The following PDE1C variants were observed in gnomAD, a reference collection of about 807,000 sequenced individuals.
PDE1C encodes the protein dual specificity calcium/calmodulin-dependent 3',5'-cyclic nucleotide phosphodiesterase 1C.
In PDE1C, 62 loss-of-function variants were observed where a neutral mutation model predicts 93.1. That is an observed-to-expected ratio of 0.67 (90% CI 0.54 to 0.82). The LOEUF (loss-of-function observed/expected upper bound fraction) is 0.82, where lower values mean the gene tolerates loss of function less well. PDE1C is among the 40% of genes least tolerant of loss of function. PDE1C has a pLI of 0.00. For missense variants in PDE1C, 742 were observed against 884.6 expected (o/e 0.84, Z 2.04); for synonymous variants, 325 against 310.1 (o/e 1.05, Z -0.50).
chr7:32,353,191 A>G (rs1304531908), intron 1 of PDE1C, among the ~76,000 whole-genome samples: 1 of 2,396 alleles, frequency 4.2e-4, no homozygotes, highest in African/African-American at 5.2e-4. Flanking sequence ...TCCTCCTTGT[A>G]CCTCTGGTAG....
intron 3 of PDE1C, among the ~76,000 whole-genome samples, chr7:32,101,232 C>T (rs1374921916): frequency 6.6e-6 from 1 of 152,170 alleles, no homozygotes; most frequent in Admixed American, 6.5e-5. Context: ...CCACACGTGG[C>T]CTTAAAAGTA....
intron 2 of PDE1C, among the ~76,000 whole-genome samples, chr7:31,956,225 C>G (rs1009506763): frequency 4.6e-5 from 7 of 152,102 alleles, no homozygotes; most frequent in African/African-American, 1.7e-4. Context: ...TCCCAAGTAG[C>G]TGGGACTACA....
chr7:32,112,846 GTATATA>G (rs1203879712), intron 3 of PDE1C, among the ~76,000 whole-genome samples: 676 of 59,076 alleles, frequency 0.011, 2 homozygotes, highest in African/African-American at 0.042. Flanking sequence ...GTGTGTGTGT[GTATATA>G]TATATATATA....
the PDE1C span, chr7:31,697,263 T>A: frequency 2.0e-6 from 2 of 1,003,164 alleles, no homozygotes; most frequent in African/African-American, 3.3e-5. Flanking sequence ...CCACACTCAG[T>A]GCTACCTTTT....
intron 1 of PDE1C, among the ~76,000 whole-genome samples, chr7:32,416,730 A>G (rs1328870555): frequency 1.3e-5 from 2 of 152,106 alleles, no homozygotes; most frequent in African/African-American, 4.8e-5. Flanking sequence ...GGCAAGGCTC[A>G]GGCTCAGGAT....
chr7:32,328,627 C>T (rs531434652), intron 1 of PDE1C, among the ~76,000 whole-genome samples: 1 of 152,096 alleles, frequency 6.6e-6, no homozygotes, highest in Non-Finnish European at 1.5e-5. Context: ...GAACACAACC[C>T]CATCCTCCAC....
chr7:32,218,402 C>T (rs1806587729), intron 1 of PDE1C, among the ~76,000 whole-genome samples: 1 of 152,218 alleles, frequency 6.6e-6, no homozygotes, highest in African/African-American at 2.4e-5. Context: ...TTTCCAGACC[C>T]TTCTCTCCTA....
At chr7:31,945,670 A>G (rs575876891) in intron 2 of PDE1C, among the ~76,000 whole-genome samples, 1 of 152,130 alleles carries the variant, frequency 6.6e-6, no homozygotes, top group Non-Finnish European at 1.5e-5. Context: ...CATTTATCCT[A>G]CTTGGCACTC....
chr7:32,123,689 A>G (rs1262270190), intron 3 of PDE1C, among the ~76,000 whole-genome samples: 1 of 152,250 alleles, frequency 6.6e-6, no homozygotes, highest in African/African-American at 2.4e-5. Flanking sequence ...TAAACTAGGC[A>G]TTGATTGAAC....
Position 31,753,564 on chromosome 7 carries a change from T to A in PDE1C, c.1961-11A>T. ...AAGGAGGCTTGATGACTGGCGGCCATGGAAAGGAAGACAGACAACGGTTAG... is the reference window on the plus strand; with the variant it reads ...AAGGAGGCTTGATGACTGGCGGCCAAGGAAAGGAAGACAGACAACGGTTAG... On this transcript the variant is annotated splice_polypyrimidine_tract_variant and intron_variant, in intron 17 of 17. Coordinates refer to ENST00000396191, the MANE Select transcript of PDE1C (RefSeq NM_001191057.4). 6.2e-7 allele frequency: 1 copy of A among 1,606,286 alleles called. No individual in the cohort carries two copies. Among genetic ancestry groups the A allele is most frequent in the Non-Finnish European group, 8.5e-7 (1 of 1,176,740 alleles).
At chr7:31,940,802 T>C (rs1805727230) in intron 2 of PDE1C, among the ~76,000 whole-genome samples, 1 of 152,088 alleles carries the variant, frequency 6.6e-6, no homozygotes. Context: ...TGTGAGCAGG[T>C]GGATCCAGTT....
chr7:32,023,750 G>A (rs781322801), intron 2 of PDE1C, among the ~76,000 whole-genome samples: 2 of 152,214 alleles, frequency 1.3e-5, no homozygotes, highest in African/African-American at 2.4e-5. Context: ...AGTTGTCAAG[G>A]CTTAGGGATG....
intron 2 of PDE1C, among the ~76,000 whole-genome samples, chr7:32,009,439 C>T (rs138484385): frequency 5.3e-5 from 8 of 152,174 alleles, no homozygotes; most frequent in East Asian, 1.9e-4. Context: ...TAAGGATGAA[C>T]GCATGCATAT....
At chr7:31,832,317 T>C (rs148735577) in intron 11 of PDE1C, among the ~76,000 whole-genome samples, 21 of 152,310 alleles carry the variant, frequency 1.4e-4, no homozygotes, top group Non-Finnish European at 2.8e-4. Flanking sequence ...ACATGACATA[T>C]TTACCAACGA....
At chr7:32,049,794 C>T (rs1490924525) in intron 2 of PDE1C, among the ~76,000 whole-genome samples, 1 of 151,968 alleles carries the variant, frequency 6.6e-6, no homozygotes, top group Non-Finnish European at 1.5e-5. Context: ...GCTTCAAATG[C>T]TTGGTCAGCA....
At chr7:32,349,254 C>A (rs1025123976) in intron 1 of PDE1C, among the ~76,000 whole-genome samples, 13 of 152,218 alleles carry the variant, frequency 8.5e-5, no homozygotes, top group Admixed American at 7.2e-4. Context: ...GCACACCAAG[C>A]CCTGGGCCCT....
At chr7:31,817,445 C>T (rs1788407753) in intron 14 of PDE1C, among the ~76,000 whole-genome samples, 1 of 152,104 alleles carries the variant, frequency 6.6e-6, no homozygotes, top group African/African-American at 2.4e-5. Flanking sequence ...GGGTTCAGAT[C>T]ATGCAGGGCT....
chr7:32,073,526 A>T (rs1796180358), upstream of PDE1C, among the ~76,000 whole-genome samples: 1 of 152,224 alleles, frequency 6.6e-6, no homozygotes, highest in African/African-American at 2.4e-5. Flanking sequence ...TCAAGTACAG[A>T]GTCCACCTCT....
At chr7:32,401,151 C>CAA (rs1784934999) in intron 1 of PDE1C, among the ~76,000 whole-genome samples, 2 of 152,100 alleles carry the variant, frequency 1.3e-5, no homozygotes, top group Non-Finnish European at 2.9e-5. Flanking sequence ...TATGTACTTC[C>CAA]AATGTATTTT....
Sources: allele counts gnomAD v4.1 joint callset (sites outside exome capture counted in the v4.1 genomes callset), GRCh38; gene constraint gnomAD v4.1.1; transcripts MANE v1.5; gene names NCBI Gene and HGNC (gene_info 2026-07-23, HGNC 2026-07-21).